Variants in TAF3 observed in about 807,000 individuals in gnomAD.
TAF3 encodes TATA-box binding protein associated factor 3.
TAF3 carries 7 observed loss-of-function variants against 80.6 expected under a neutral mutation model. That is an observed-to-expected ratio of 0.09 (90% CI 0.05 to 0.16). The LOEUF (loss-of-function observed/expected upper bound fraction) is 0.16. Ranked by LOEUF, TAF3 falls within the 10% of genes least tolerant of loss-of-function variation. The probability of loss-of-function intolerance (pLI) is 1.00; values close to 1 mark genes in which losing one functional copy is unlikely to be tolerated. For synonymous variants in TAF3, 444 were observed against 446.1 expected, an observed-to-expected ratio of 1.00 and a Z score of 0.06; for missense variants, 921 against 1,140.2, an observed-to-expected ratio of 0.81 and a Z score of 2.77.
chr10:7,829,824 C>T (rs1490666162), intron 2 of TAF3, among the ~76,000 whole-genome samples: 1 of 152,128 alleles, frequency 6.6e-6, no homozygotes, highest in Non-Finnish European at 1.5e-5. Context: ...TTATGCGTCC[C>T]GCTTTGAAGG....
intron 4 of TAF3, among the ~76,000 whole-genome samples, chr10:7,991,702 A>G (rs1008919763): frequency 6.6e-6 from 1 of 152,194 alleles, no homozygotes; most frequent in African/African-American, 2.4e-5. Flanking sequence ...CTAAATAAGT[A>G]TATATACACT....
chr10:7,925,815 A>AAAG, intron 2 of TAF3, among the ~76,000 whole-genome samples: 1 of 103,842 alleles, frequency 9.6e-6, no homozygotes. Context: ...AAAAAAAAGA[A>AAAG]AAGAAAAGAA....
At chr10:7,837,750 G>A (rs1372306993) in intron 2 of TAF3, among the ~76,000 whole-genome samples, 2 of 152,090 alleles carry the variant, frequency 1.3e-5, no homozygotes, top group African/African-American at 4.8e-5. Context: ...CTTGAGTCTG[G>A]GAGGTTGAGG....
chr10:7,834,392 A>C (rs1836830661), intron 2 of TAF3, among the ~76,000 whole-genome samples: 1 of 152,020 alleles, frequency 6.6e-6, no homozygotes, highest in African/African-American at 2.4e-5. Flanking sequence ...GTATGAGATA[A>C]GGATCCAATT....
chr10:7,835,865 G>A (rs905674264), intron 2 of TAF3, among the ~76,000 whole-genome samples: 11 of 152,258 alleles, frequency 7.2e-5, no homozygotes, highest in East Asian at 3.9e-4. Flanking sequence ...GCACTGATGG[G>A]TGTACTCTGT....
chr10:7,863,587 T>A (rs1837170074), intron 2 of TAF3, among the ~76,000 whole-genome samples: 1 of 123,206 alleles, frequency 8.1e-6, no homozygotes. Context: ...TCCAGCCTGA[T>A]GACCAGAGCA....
intron 2 of TAF3, among the ~76,000 whole-genome samples, chr10:7,925,672 G>T (rs191466514): frequency 1.3e-5 from 2 of 151,772 alleles, no homozygotes; most frequent in East Asian, 3.9e-4. Context: ...ATGATGGTGT[G>T]CCTGTATTCC....
At chr10:7,888,842 C>T (rs1837433976) in intron 2 of TAF3, among the ~76,000 whole-genome samples, 1 of 152,162 alleles carries the variant, frequency 6.6e-6, no homozygotes, top group African/African-American at 2.4e-5. Context: ...AGTTGGCCTG[C>T]CAGATTCAAG....
chr10:7,980,125 C>G (rs1227315526), intron 4 of TAF3, among the ~76,000 whole-genome samples: 1 of 152,012 alleles, frequency 6.6e-6, no homozygotes. Flanking sequence ...GGGAATAATA[C>G]TCTTTTGAAG....
At chr10:7,955,937 C>T (rs1207226001) in intron 2 of TAF3, among the ~76,000 whole-genome samples, 1 of 152,134 alleles carries the variant, frequency 6.6e-6, no homozygotes, top group Non-Finnish European at 1.5e-5. Context: ...AATATGGATA[C>T]ATTTTGTTGC....
chr10:7,932,311 A>C (rs1383320445), intron 2 of TAF3, among the ~76,000 whole-genome samples: 1 of 152,168 alleles, frequency 6.6e-6, no homozygotes, highest in Non-Finnish European at 1.5e-5. Flanking sequence ...AAAACACAAA[A>C]ATCTCATGGA....
rs1837602974 is a variant in TAF3, at chr10:7,905,755, C to T, written c.410-58165C>T. Among the ~76,000 whole-genome samples the T allele has an allele frequency of 4.6e-5, 7 of 152,146 alleles. No homozygotes were observed. In the South Asian group the frequency reaches 1.5e-3, roughly 32 times the overall value. ...AAAATTAGTCGGGCGTGGTGGCAGG[C>T]ACCTGTAATCCCAGCTACTCGGGAG... On this transcript the variant is annotated intron_variant, in intron 2 of 6. Coordinates refer to ENST00000344293, the MANE Select transcript of TAF3 (RefSeq NM_031923.4).
At chr10:7,995,343 T>G (rs973143008) in intron 4 of TAF3, among the ~76,000 whole-genome samples, 5 of 152,198 alleles carry the variant, frequency 3.3e-5, no homozygotes, top group African/African-American at 1.2e-4. Flanking sequence ...TTTACCTAAC[T>G]CCAAAGTGGA....
intron 2 of TAF3, among the ~76,000 whole-genome samples, chr10:7,875,711 G>A (rs576843091): frequency 6.6e-6 from 1 of 152,204 alleles, no homozygotes; most frequent in African/African-American, 2.4e-5. Context: ...CTAGTTTAGT[G>A]AATTTACCCC....
intron 6 of TAF3, 33 bp downstream of exon 6, chr10:8,013,870 C>T (rs768354092): frequency 2.6e-6 from 4 of 1,561,566 alleles, no homozygotes; most frequent in South Asian, 1.1e-5. Context: ...CGGCCACACT[C>T]ATTAGGCAGC....
intron 2 of TAF3, among the ~76,000 whole-genome samples, chr10:7,886,645 T>C (rs1214626045): frequency 1.3e-5 from 2 of 152,212 alleles, no homozygotes; most frequent in African/African-American, 2.4e-5. Context: ...AAATAACATA[T>C]ATACATCATA....
intron 2 of TAF3, among the ~76,000 whole-genome samples, chr10:7,911,902 C>T (rs10905244): frequency 0.35 from 53,337 of 151,870 alleles, 10,516 homozygotes; most frequent in Admixed American, 0.48. Flanking sequence ...TTGCTTTACT[C>T]GTTCGCTTCA....
intron 2 of TAF3, among the ~76,000 whole-genome samples, chr10:7,944,156 G>A (rs1041727150): frequency 3.4e-5 from 5 of 148,818 alleles, no homozygotes; most frequent in African/African-American, 1.2e-4. Context: ...GAGGGAAAAG[G>A]TAGATGAAAA....
intron 2 of TAF3, among the ~76,000 whole-genome samples, chr10:7,826,977 T>G (rs1017467589): frequency 6.6e-6 from 1 of 152,184 alleles, no homozygotes; most frequent in African/African-American, 2.4e-5. Context: ...TCCTTTTATT[T>G]CCTTAAGAGC....
Sources: allele counts gnomAD v4.1 joint callset (sites outside exome capture counted in the v4.1 genomes callset), GRCh38; gene constraint gnomAD v4.1.1; transcripts MANE v1.5; gene names NCBI Gene and HGNC (gene_info 2026-07-23, HGNC 2026-07-21).